Variants in HMOX2 observed in about 807,000 individuals in gnomAD.
The protein encoded by HMOX2 is heme oxygenase 2.
HMOX2 carries 30 observed loss-of-function variants against 33.7 expected under a neutral mutation model. The observed-to-expected ratio is 0.89, with a 90% confidence interval of 0.67 to 1.21. The LOEUF is 1.21. HMOX2 is among the 50% of genes most tolerant of loss of function. HMOX2 has a pLI of 0.00. For missense variants in HMOX2, 403 were observed against 399.1 expected, an observed-to-expected ratio of 1.01 and a Z score of -0.08; for synonymous variants, 155 against 155.0, an observed-to-expected ratio of 1.00 and a Z score of 0.00.
At chr16:4,506,399 A>G (rs1480634402) in intron 2 of HMOX2, among the ~76,000 whole-genome samples, 2 of 152,106 alleles carry the variant, frequency 1.3e-5, no homozygotes, top group African/African-American at 4.8e-5. Flanking sequence ...CTAGTCACAT[A>G]TAGTCTCAAA....
chr16:4,490,782 T>C (rs1157816582), intron 1 of HMOX2, among the ~76,000 whole-genome samples: 1 of 152,222 alleles, frequency 6.6e-6, no homozygotes, highest in Non-Finnish European at 1.5e-5. Flanking sequence ...CTCGTCTCTG[T>C]AAATTGATGA....
intron 1 of HMOX2, among the ~76,000 whole-genome samples, chr16:4,504,020 G>A (rs1301922065): frequency 3.9e-5 from 6 of 152,348 alleles, no homozygotes; most frequent in South Asian, 2.1e-4. Flanking sequence ...GCCTTACATT[G>A]CCTGAGCAGA....
chr16:4,477,783 G>C (rs1217793039), intron 1 of HMOX2, among the ~76,000 whole-genome samples: 1 of 152,052 alleles, frequency 6.6e-6, no homozygotes, highest in African/African-American at 2.4e-5. Context: ...TAAACGGGCG[G>C]GGTGGCGCGT....
At chr16:4,507,593 A>AT in intron 3 of HMOX2, 120 bp from the exon 4 acceptor site, 1 of 999,758 alleles carries the variant, frequency 1.0e-6, no homozygotes, top group South Asian at 1.7e-5. Flanking sequence ...AATTCACTAC[A>AT]TAAAAATGGA....
intron 1 of HMOX2, among the ~76,000 whole-genome samples, chr16:4,503,961 C>T (rs1596472198): frequency 6.6e-6 from 1 of 152,146 alleles, no homozygotes; most frequent in African/African-American, 2.4e-5. Flanking sequence ...TATTAGTTGT[C>T]GGTGCTACTG....
intron 1 of HMOX2, among the ~76,000 whole-genome samples, chr16:4,494,060 T>C (rs2058361962): frequency 6.6e-6 from 1 of 152,154 alleles, no homozygotes; most frequent in African/African-American, 2.4e-5. Context: ...CTCACGCCTG[T>C]AATCCCAGCA....
At chr16:4,482,109 A>G (rs2058046500) in intron 1 of HMOX2, among the ~76,000 whole-genome samples, 1 of 152,202 alleles carries the variant, frequency 6.6e-6, no homozygotes, top group Non-Finnish European at 1.5e-5. Context: ...CAGTAATTAG[A>G]AAATAACTTA....
chr16:4,475,381 C>T (rs567142834), upstream of HMOX2, among the ~76,000 whole-genome samples: 2 of 151,504 alleles, frequency 1.3e-5, no homozygotes, highest in African/African-American at 4.8e-5. Flanking sequence ...GATCTTGGCT[C>T]ACTGCAACTT....
At chr16:4,490,379 C>T (rs570771634) in intron 1 of HMOX2, among the ~76,000 whole-genome samples, 1 of 152,170 alleles carries the variant, frequency 6.6e-6, no homozygotes, top group South Asian at 2.1e-4. Flanking sequence ...CCTTGGAGCT[C>T]CAAGGAAGTC....
intron 1 of HMOX2, among the ~76,000 whole-genome samples, chr16:4,482,181 G>A (rs1280504707): frequency 6.6e-6 from 1 of 152,168 alleles, no homozygotes; most frequent in Admixed American, 6.5e-5. Context: ...ATTTTCAAAT[G>A]TCTGTGTTCA....
intron 1 of HMOX2, among the ~76,000 whole-genome samples, chr16:4,486,874 T>C (rs544968103): frequency 2.2e-4 from 34 of 152,298 alleles, no homozygotes; most frequent in African/African-American, 7.9e-4. Flanking sequence ...CTCAGTCCCT[T>C]TTGGCCCCCT....
intron 1 of HMOX2, among the ~76,000 whole-genome samples, chr16:4,488,141 A>C (rs1328951066): frequency 1.3e-5 from 2 of 151,740 alleles, no homozygotes; most frequent in Non-Finnish European, 1.5e-5. Context: ...AAAAAAAAAA[A>C]AAAAAACAGG....
intron 1 of HMOX2, among the ~76,000 whole-genome samples, chr16:4,491,827 G>A (rs2141559637): frequency 6.6e-6 from 1 of 151,976 alleles, no homozygotes; most frequent in South Asian, 2.1e-4. Flanking sequence ...AGGACTATAG[G>A]CGCATGCCAT....
chr16:4,504,155 G>A (rs1381411037), intron 1 of HMOX2, among the ~76,000 whole-genome samples: 2 of 152,178 alleles, frequency 1.3e-5, no homozygotes, highest in African/African-American at 4.8e-5. Flanking sequence ...CTTCAGCCTA[G>A]CAAAGTCCTG....
intron 1 of HMOX2, among the ~76,000 whole-genome samples, chr16:4,487,787 CAA>C (rs1225589421): frequency 2.6e-5 from 3 of 115,856 alleles, no homozygotes; most frequent in African/African-American, 3.2e-5. Context: ...GACTCCGTCT[CAA>C]AAAAAAAAAA....
At chr16:4,502,711 T>G (rs1318475988) in intron 1 of HMOX2, 1 of 152,186 alleles carries the variant, frequency 6.6e-6, no homozygotes, top group East Asian at 1.9e-4. Flanking sequence ...TTCTTATTAT[T>G]TAAAGTATTT....
rs17885831 is a variant in HMOX2, at chr16:4,508,490, G to A, written c.696+286G>A. ...AATGGAGCTGGCTTCCTCCCTCATT[G>A]CAGGATGCTGGTCTTGAAGAATGGT... On this transcript the variant is annotated intron_variant, in intron 4 of 5. Transcript: ENST00000570646. Among the ~76,000 whole-genome samples the A allele has an allele frequency of 4.2e-3, 640 of 152,290 alleles. 3 individuals carry two copies. The highest frequency in any genetic ancestry group is 6.9e-3 in the Non-Finnish European group (472 of 68,016).
intron 2 of HMOX2, among the ~76,000 whole-genome samples, chr16:4,506,073 G>C (rs1277446768): frequency 1.3e-5 from 2 of 149,532 alleles, no homozygotes; most frequent in Non-Finnish European, 3.0e-5. Flanking sequence ...CATTGGCCAA[G>C]TTTTTTTTTT....
intron 1 of HMOX2, among the ~76,000 whole-genome samples, chr16:4,503,971 G>A (rs2058623700): frequency 6.6e-6 from 1 of 152,212 alleles, no homozygotes; most frequent in Non-Finnish European, 1.5e-5. Flanking sequence ...CGGTGCTACT[G>A]TGCTGCTATT....
Sources: gnomAD v4.1 joint callset for allele counts (sites outside exome capture counted in the v4.1 genomes callset) on GRCh38, gnomAD v4.1.1 for gene constraint, MANE v1.5 for transcripts, NCBI Gene and HGNC (gene_info 2026-07-23, HGNC 2026-07-21) for gene names.